NOS1AP: variants seen among roughly 807,000 people sequenced by gnomAD.
NOS1AP encodes the protein nitric oxide synthase 1 adaptor protein.
NOS1AP carries 21 observed loss-of-function variants against 56.2 expected under a neutral mutation model. That is an observed-to-expected ratio of 0.37 (90% CI 0.26 to 0.54). NOS1AP has a LOEUF of 0.54. Ranked by LOEUF, NOS1AP falls within the 20% of genes least tolerant of loss-of-function variation. The pLI, the probability that NOS1AP is intolerant of heterozygous loss-of-function variation, is 0.84. For missense variants in NOS1AP, 522 were observed against 657.8 expected, an observed-to-expected ratio of 0.79 and a Z score of 2.26; for synonymous variants, 270 against 274.6, an observed-to-expected ratio of 0.98 and a Z score of 0.17.
At chr1:162,318,872 G>T (rs1656319076) in intron 4 of NOS1AP, among the ~76,000 whole-genome samples, 1 of 151,848 alleles carries the variant, frequency 6.6e-6, no homozygotes, top group African/African-American at 2.4e-5. Context: ...TTCCTTCTGT[G>T]GCCCTTGACC....
rs11433685 is a variant in NOS1AP, at chr1:162,305,387, A to ATTT, written c.344+4691_344+4693dup. 2.3e-4 allele frequency among the ~76,000 whole-genome samples: 32 copies of ATTT among 140,206 alleles called. 1 individual carries two copies. The highest frequency in any genetic ancestry group is 8.2e-4 in the African/African-American group (32 of 38,914). 92.0% of individuals were successfully genotyped at this position (140,206 alleles called of 152,430 possible). A position where few individuals can be genotyped will look rare whatever the true frequency, so the allele number is the denominator to read the frequency against. The stretch of plus-strand genomic sequence containing the variant: ...GTGGACATCTAAACCAATTCCTCCT[A>ATTT]TTTTTTTTTTTTCAGTTTATCCTTT... On this transcript the variant is annotated intron_variant, in intron 4 of 9. Coordinates refer to ENST00000361897, the MANE Select transcript of NOS1AP (RefSeq NM_014697.3).
chr1:162,102,894 G>A (rs1647344239), intron 1 of NOS1AP, among the ~76,000 whole-genome samples: 1 of 151,940 alleles, frequency 6.6e-6, no homozygotes, highest in Non-Finnish European at 1.5e-5. Flanking sequence ...TACTGGATAT[G>A]TTGATTTGTT....
chr1:162,302,372 AACAATT>A (rs1655694758), intron 4 of NOS1AP, among the ~76,000 whole-genome samples: 1 of 152,228 alleles, frequency 6.6e-6, no homozygotes, highest in Non-Finnish European at 1.5e-5. Context: ...CATCGAAGGG[AACAATT>A]ATCTTCTACT....
At chr1:162,227,351 C>T (rs974809834) in intron 2 of NOS1AP, among the ~76,000 whole-genome samples, 2 of 152,094 alleles carry the variant, frequency 1.3e-5, no homozygotes, top group Non-Finnish European at 2.9e-5. Context: ...TCTTCTGTTC[C>T]AAACACATAG....
chr1:162,322,070 A>G lies in NOS1AP; in HGVS notation c.345-10947A>G, dbSNP rs138608293. 5.6e-3 allele frequency among the ~76,000 whole-genome samples: 854 copies of G among 152,146 alleles called. 8 individuals are homozygous for G. The highest frequency in any genetic ancestry group is 5.6e-3 in the Non-Finnish European group (379 of 67,954). On this transcript the variant is annotated intron_variant, in intron 4 of 9. Transcript: ENST00000361897. ...CCCCTGCATCTAAAATAATAAAATA[A>G]TTTCTAAAAAACACACAAAAAAGAA...
At position 162,086,320 on chromosome 1, in the gene NOS1AP, A is replaced by G. The variant is rs183177465; in HGVS notation, c.105+16038A>G. Reference sequence around the variant, plus strand: ...AAGCTCATCCTGTACTGCAGGCACGAGGTGGTAGTGGTCGGAGCTAGGGAT... The same window carrying G: ...AAGCTCATCCTGTACTGCAGGCACGGGGTGGTAGTGGTCGGAGCTAGGGAT... On this transcript the variant is annotated intron_variant, in intron 1 of 9. Transcript: ENST00000361897. Among the ~76,000 whole-genome samples, 703 of 152,270 alleles carry G rather than the reference A, an allele frequency of 4.6e-3. 6 individuals are homozygous for G. Among genetic ancestry groups the G allele is most frequent in the African/African-American group, 0.016 (655 of 41,568 alleles).
chr1:162,100,089 G>A (rs1571009430), intron 1 of NOS1AP, among the ~76,000 whole-genome samples: 1 of 152,012 alleles, frequency 6.6e-6, no homozygotes, highest in Non-Finnish European at 1.5e-5. Flanking sequence ...GCCGCAATAA[G>A]CATACGTGTG....
intron 5 of NOS1AP, among the ~76,000 whole-genome samples, chr1:162,335,373 A>T (rs1656905980): frequency 6.6e-6 from 1 of 152,188 alleles, no homozygotes; most frequent in Admixed American, 6.5e-5. Context: ...TAAGAAAGGG[A>T]AGTGAATTGT....
intron 8 of NOS1AP, among the ~76,000 whole-genome samples, chr1:162,359,802 T>C (rs1657833408): frequency 6.6e-6 from 1 of 152,136 alleles, no homozygotes; most frequent in Non-Finnish European, 1.5e-5. Context: ...ACTGCAAGGC[T>C]TCTGTCTGTC....
At chr1:162,353,198 A>T (rs1308183531) in intron 6 of NOS1AP, among the ~76,000 whole-genome samples, 3 of 152,006 alleles carry the variant, frequency 2.0e-5, no homozygotes, top group African/African-American at 7.3e-5. Context: ...TATCCTCCAT[A>T]CTATATCTAG....
At chr1:162,270,351 A>C (rs1654545987) in intron 2 of NOS1AP, among the ~76,000 whole-genome samples, 1 of 152,248 alleles carries the variant, frequency 6.6e-6, no homozygotes, top group Non-Finnish European at 1.5e-5. Flanking sequence ...TAAAGAGCTG[A>C]ACCTATATAG....
chr1:162,356,388 T>A (rs1657705565), intron 7 of NOS1AP, among the ~76,000 whole-genome samples: 1 of 152,164 alleles, frequency 6.6e-6, no homozygotes, highest in Non-Finnish European at 1.5e-5. Flanking sequence ...TATTTTAGGA[T>A]CCAAACTTCT....
chr1:162,146,577 T>C (rs1334214643), intron 1 of NOS1AP, among the ~76,000 whole-genome samples: 1 of 152,148 alleles, frequency 6.6e-6, no homozygotes, highest in African/African-American at 2.4e-5. Context: ...GCCTGTGGGG[T>C]TGTGCTGCCA....
intron 2 of NOS1AP, among the ~76,000 whole-genome samples, chr1:162,235,346 G>A (rs1433754585): frequency 6.6e-6 from 1 of 152,170 alleles, no homozygotes; most frequent in Non-Finnish European, 1.5e-5. Context: ...AAGCTCTTAT[G>A]TAAGAGCTTG....
rs145521864 is a variant in NOS1AP at position 162,200,845 on chromosome 1, C to T, written c.177+46369C>T. On this transcript the variant is annotated intron_variant, in intron 2 of 9. Transcript: ENST00000361897. ...AGGTATCTAGAACAAGGACGTGCTA[C>T]TCCTTGGACACAAGTTACTAGACCA... Among the ~76,000 whole-genome samples, 364 of 152,338 alleles carry T rather than the reference C, an allele frequency of 2.4e-3. 4 individuals carry two copies. The highest frequency in any genetic ancestry group is 8.2e-3 in the African/African-American group (340 of 41,568).
Position 162,101,503 on chromosome 1 carries a change from A to T in NOS1AP, c.105+31221A>T, listed in dbSNP as rs571035308. Among the ~76,000 whole-genome samples, 264 of 152,310 alleles carry T rather than the reference A, an allele frequency of 1.7e-3. 1 individual carries two copies. Among genetic ancestry groups the T allele is most frequent in the African/African-American group, 6.2e-3 (258 of 41,562 alleles). On this transcript the variant is annotated intron_variant, in intron 1 of 9. Transcript: ENST00000361897. ...TGGTAGTTTAATGGGAATAGCATTGAATCTATAAATTACTTTGGGCAGTAT... is the reference window on the plus strand; with the variant it reads ...TGGTAGTTTAATGGGAATAGCATTGTATCTATAAATTACTTTGGGCAGTAT...
chr1:162,366,840 G>A (rs930120963), intron 9 of NOS1AP: 83 of 634,396 alleles, frequency 1.3e-4, no homozygotes, highest in Non-Finnish European at 3.7e-5. Flanking sequence ...CCTTTACCAC[G>A]TCCCAAAGCT....
intron 1 of NOS1AP, among the ~76,000 whole-genome samples, chr1:162,081,774 A>ATATATATATATTTTTT: frequency 2.3e-5 from 1 of 44,060 alleles, no homozygotes; most frequent in African/African-American, 7.7e-5. Context: ...ATATATATAT[A>ATATATATATATTTTTT]TTTTTTTTTT....
intron 8 of NOS1AP, among the ~76,000 whole-genome samples, chr1:162,357,782 C>T (rs1212243997): frequency 6.6e-6 from 1 of 151,906 alleles, no homozygotes; most frequent in African/African-American, 2.4e-5. Flanking sequence ...AAAACTTGTT[C>T]GGGGGCTGCT....
Sources: gnomAD v4.1 joint callset for allele counts (sites outside exome capture counted in the v4.1 genomes callset) on GRCh38, gnomAD v4.1.1 for gene constraint, MANE v1.5 for transcripts, NCBI Gene and HGNC (gene_info 2026-07-23, HGNC 2026-07-21) for gene names.